The following CPA6 variants were observed in gnomAD, a reference collection of about 807,000 sequenced individuals.
CPA6 encodes carboxypeptidase B.
CPA6 carries 58 observed loss-of-function variants against 63.3 expected under a neutral mutation model. That is an observed-to-expected ratio of 0.92 (90% CI 0.74 to 1.14). The LOEUF (loss-of-function observed/expected upper bound fraction) is 1.14. Ranked by LOEUF, CPA6 falls within the 50% of genes most tolerant of loss-of-function variation. The pLI is 0.00. For synonymous variants in CPA6, 185 were observed against 179.0 expected (o/e 1.03, Z -0.27); for missense variants, 565 against 526.6 (o/e 1.07, Z -0.71).
intron 1 of CPA6, among the ~76,000 whole-genome samples, chr8:67,742,129 T>TGTGTGTGTGTGTGTGTGCGC (rs1817924568): frequency 7.3e-5 from 1 of 13,708 alleles, no homozygotes; most frequent in East Asian, 5.3e-3. Flanking sequence ...GTTCTACTTT[T>TGTGTGTGTGTGTGTGTGCGC]GTGTGTGTGT....
Position 67,463,296 on chromosome 8 carries a change from T to C in CPA6, c.838+20472A>G, listed in dbSNP as rs1227804277. Among the ~76,000 whole-genome samples, 5 of 151,932 alleles carry C rather than the reference T, an allele frequency of 3.3e-5. No individual in the cohort carries two copies. The South Asian group carries it at 6.3e-4, about 19-fold the overall frequency. On this transcript the variant is annotated intron_variant, in intron 8 of 10. Coordinates refer to ENST00000297770, the MANE Select transcript of CPA6 (RefSeq NM_020361.5). ...CTGTCTCCACTAAAAATAAAAACAT[T>C]AGCCAGGTGTGGTGGTGCACACTTG...
intron 10 of CPA6, among the ~76,000 whole-genome samples, chr8:67,427,099 C>T (rs1809904453): frequency 6.6e-6 from 1 of 152,152 alleles, no homozygotes; most frequent in Non-Finnish European, 1.5e-5. Context: ...TTCCTGCATG[C>T]AGCAAACAGT....
intron 8 of CPA6, among the ~76,000 whole-genome samples, chr8:67,464,669 T>G (rs1810886163): frequency 6.6e-6 from 1 of 152,134 alleles, no homozygotes; most frequent in Non-Finnish European, 1.5e-5. Flanking sequence ...AAATACTTAA[T>G]CCAACTTAAT....
At chr8:67,444,360 G>A (rs574041932) in intron 8 of CPA6, among the ~76,000 whole-genome samples, 3 of 152,292 alleles carry the variant, frequency 2.0e-5, no homozygotes, top group Non-Finnish European at 4.4e-5. Flanking sequence ...AAAGGAAGAT[G>A]TCTATTTCAT....
At chr8:67,423,614 C>G (rs1017302812) in intron 10 of CPA6, among the ~76,000 whole-genome samples, 2 of 152,174 alleles carry the variant, frequency 1.3e-5, no homozygotes, top group Non-Finnish European at 2.9e-5. Flanking sequence ...AACCCCTGGC[C>G]CAGTTTCTCT....
At chr8:67,598,729 A>G (rs1049750204) in intron 2 of CPA6, among the ~76,000 whole-genome samples, 11 of 152,304 alleles carry the variant, frequency 7.2e-5, no homozygotes, top group South Asian at 2.1e-4. Flanking sequence ...AAAAAGCAAC[A>G]CATTTACTTT....
chr8:67,601,805 G>A (rs995847701), intron 2 of CPA6, among the ~76,000 whole-genome samples: 4 of 152,118 alleles, frequency 2.6e-5, no homozygotes, highest in Admixed American at 2.6e-4. Flanking sequence ...AACCTCTATG[G>A]AGGGCAATTT....
chr8:67,614,477 T>C (rs905957018), intron 2 of CPA6, among the ~76,000 whole-genome samples: 4 of 152,202 alleles, frequency 2.6e-5, no homozygotes, highest in Non-Finnish European at 5.9e-5. Flanking sequence ...AACCAGATGG[T>C]CTGGATGCCA....
At chr8:67,662,992 CA>C (rs1161797314) in intron 1 of CPA6, among the ~76,000 whole-genome samples, 3 of 152,128 alleles carry the variant, frequency 2.0e-5, no homozygotes, top group African/African-American at 7.2e-5. Flanking sequence ...CTCTAAGAAA[CA>C]GGCAAGTGAG....
At chr8:67,482,752 T>C (rs571562827) in intron 8 of CPA6, among the ~76,000 whole-genome samples, 32 of 152,364 alleles carry the variant, frequency 2.1e-4, no homozygotes, top group Middle Eastern at 3.4e-3. Context: ...TATACTTTCA[T>C]AGATTGAATA....
chr8:67,503,798 C>T (rs1008280128), intron 6 of CPA6, among the ~76,000 whole-genome samples: 1 of 151,948 alleles, frequency 6.6e-6, no homozygotes, highest in Non-Finnish European at 1.5e-5. Context: ...AGGTTTGTTA[C>T]ATAGGTTTAC....
At chr8:67,436,312 G>C (rs1397034177) in intron 8 of CPA6, among the ~76,000 whole-genome samples, 2 of 151,940 alleles carry the variant, frequency 1.3e-5, no homozygotes, top group African/African-American at 4.8e-5. Flanking sequence ...AGCTTCCCCA[G>C]GCTCCGGCCT....
chr8:67,628,490 G>C (rs994296801), intron 1 of CPA6, among the ~76,000 whole-genome samples: 2 of 152,282 alleles, frequency 1.3e-5, no homozygotes, highest in Non-Finnish European at 2.9e-5. Flanking sequence ...AAATATTACA[G>C]AGCATATGAA....
chr8:67,467,215 G>A (rs762375476), intron 8 of CPA6, among the ~76,000 whole-genome samples: 9 of 152,200 alleles, frequency 5.9e-5, no homozygotes, highest in Middle Eastern at 3.4e-3. Flanking sequence ...GTTCTGCCTC[G>A]AGTCTCTTCT....
At chr8:67,732,463 A>G (rs1261576204) in intron 1 of CPA6, 1 of 151,994 alleles carries the variant, frequency 6.6e-6, no homozygotes, top group East Asian at 1.9e-4. Flanking sequence ...GCGAAACGCT[A>G]TTTGGGGACT....
chr8:67,642,791 T>TCACA (rs1491449674), intron 1 of CPA6, among the ~76,000 whole-genome samples: 14 of 89,364 alleles, frequency 1.6e-4, no homozygotes, highest in African/African-American at 7.2e-4. Context: ...TGGGCCTTTA[T>TCACA]CTCACACACA....
intron 1 of CPA6, among the ~76,000 whole-genome samples, chr8:67,738,212 C>A (rs772562003): frequency 6.6e-6 from 1 of 152,150 alleles, no homozygotes; most frequent in Non-Finnish European, 1.5e-5. Flanking sequence ...GGCCCCCTGG[C>A]TAAAGGCTAT....
intron 1 of CPA6, among the ~76,000 whole-genome samples, chr8:67,629,497 AT>A (rs1237974677): frequency 4.6e-5 from 7 of 150,916 alleles, no homozygotes; most frequent in African/African-American, 7.3e-5. Flanking sequence ...AAAAAAAAAA[AT>A]AAGACCCAAA....
chr8:67,607,251 T>TCTTCTTCTTCTTCTC (rs1554679725), intron 2 of CPA6, among the ~76,000 whole-genome samples: 21 of 81,120 alleles, frequency 2.6e-4, no homozygotes, highest in African/African-American at 3.3e-4. Context: ...TTCTTCTTCT[T>TCTTCTTCTTCTTCTC]CTCCTCCTCC....
Sources: allele counts gnomAD v4.1 joint callset (sites outside exome capture counted in the v4.1 genomes callset), GRCh38; gene constraint gnomAD v4.1.1; transcripts MANE v1.5; gene names NCBI Gene and HGNC (gene_info 2026-07-23, HGNC 2026-07-21).